Variants in IFT122 observed in about 807,000 individuals in gnomAD.
IFT122 encodes intraflagellar transport 122, also known as intraflagellar transport protein 122 homolog.
Under a neutral mutation model 161.6 loss-of-function variants are expected in IFT122, and 118 were observed. The ratio of observed to expected loss-of-function variants is 0.73; its 90% CI spans 0.63 to 0.85. The LOEUF is 0.85. Among genes scored for constraint, IFT122 ranks in the 40% least tolerant of loss-of-function variants. IFT122 has a pLI of 0.00. For synonymous variants in IFT122, 550 were observed against 602.4 expected, an observed-to-expected ratio of 0.91 and a Z score of 1.27; for missense variants, 1,381 against 1,579.6, an observed-to-expected ratio of 0.87 and a Z score of 2.13.
chr3:129,463,878 TG>T (rs1457101921), intron 6 of IFT122, among the ~76,000 whole-genome samples: 1 of 152,150 alleles, frequency 6.6e-6, no homozygotes, highest in African/African-American at 2.4e-5. Flanking sequence ...CTATACTGAG[TG>T]GAGGCTTGTT....
intron 3 of IFT122, chr3:129,458,034 G>A (rs888269651): frequency 2.5e-5 from 4 of 157,958 alleles, no homozygotes; most frequent in African/African-American, 7.2e-5. Context: ...CACTGTTCCC[G>A]GCCAGGAATA....
At chr3:129,504,037 CAAAAT>C (rs1268041344) in intron 20 of IFT122, 22 of 439,378 alleles carry the variant, frequency 5.0e-5, no homozygotes, top group Non-Finnish European at 1.7e-5. Flanking sequence ...CGCAAACCCT[CAAAAT>C]AAAATGTTTC....
intron 19 of IFT122, among the ~76,000 whole-genome samples, chr3:129,501,135 C>G (rs763275725): frequency 6.6e-6 from 1 of 152,180 alleles, no homozygotes; most frequent in African/African-American, 2.4e-5. Context: ...CCTTGGGACT[C>G]AGCACACCGG....
Position 129,484,906 on chromosome 3 carries a change from C to T in IFT122, c.1851+1224C>T, listed in dbSNP as rs542832406. Among the ~76,000 whole-genome samples, 4 of 152,342 alleles carry T rather than the reference C, an allele frequency of 2.6e-5. No homozygotes were observed. In the South Asian group the frequency reaches 8.3e-4, roughly 32 times the overall value. On this transcript the variant is annotated intron_variant, in intron 15 of 29. Transcript: ENST00000348417. The stretch of plus-strand genomic sequence containing the variant: ...GTGCATAGCTCTAGAGTGATCTTCC[C>T]ACCCATGTTGGCATGTGTAATCTCC...
At chr3:129,488,473 G>T in intron 16 of IFT122, 76 bp downstream of exon 16, 2 of 1,589,852 alleles carry the variant, frequency 1.3e-6, no homozygotes. Context: ...GACCCAGGTG[G>T]CACGGAGAGG....
In IFT122 at chr3:129,519,099, C is replaced by A; in HGVS notation, c.3392-8C>A. The A allele has an allele frequency of 6.2e-7, 1 of 1,613,046 alleles. No individual in the cohort carries two copies. The highest frequency in any genetic ancestry group is 8.5e-7 in the Non-Finnish European group (1 of 1,178,990). The stretch of plus-strand genomic sequence containing the variant: ...CTTCTGATTCCATCCTTGACCAGAT[C>A]CCTCCAGGCTCCCAGATTCTGCGGC... On this transcript the variant is annotated splice_region_variant and splice_polypyrimidine_tract_variant and intron_variant, in intron 27 of 29. Coordinates refer to ENST00000348417, the MANE Select transcript of IFT122 (RefSeq NM_052989.3).
intron 1 of IFT122, among the ~76,000 whole-genome samples, chr3:129,442,434 G>T (rs1368607156): frequency 6.6e-6 from 1 of 152,052 alleles, no homozygotes; most frequent in Non-Finnish European, 1.5e-5. Context: ...GATGAATAAA[G>T]ATTGGTTTTC....
At chr3:129,471,584 A>C (rs2077376273) in intron 9 of IFT122, among the ~76,000 whole-genome samples, 1 of 152,230 alleles carries the variant, frequency 6.6e-6, no homozygotes, top group Non-Finnish European at 1.5e-5. Flanking sequence ...GCCACAGGAA[A>C]TATCTTGCAT....
rs181071642 is a variant in IFT122, at chr3:129,510,830, G to C, written c.2887-1482G>C. On this transcript the variant is annotated intron_variant, in intron 23 of 29. Transcript: ENST00000348417. ...ATGCCTACTACGTGACAGACCCTGT[G>C]ATGAGACCTGGTGACACGGTGGTGA... Among the ~76,000 whole-genome samples, 15 of 152,342 alleles carry C rather than the reference G, an allele frequency of 9.8e-5. 1 individual carries two copies. Among genetic ancestry groups the C allele is most frequent in the African/African-American group, 3.4e-4 (14 of 41,582 alleles).
intron 19 of IFT122, among the ~76,000 whole-genome samples, chr3:129,502,240 A>G (rs1208413485): frequency 2.0e-5 from 3 of 152,174 alleles, no homozygotes; most frequent in Non-Finnish European, 2.9e-5. Flanking sequence ...CTTGGCATCC[A>G]CTTTTCCGTG....
chr3:129,499,974 A>G lies in IFT122; in HGVS notation c.2281A>G (p.Ile761Val). The G allele has an allele frequency of 6.2e-7, 1 of 1,614,222 alleles. No individual in the cohort carries two copies. Among genetic ancestry groups the G allele is most frequent in the Admixed American group, 1.7e-5 (1 of 60,026 alleles). ...CAAACAGGCTGACTGGGCCAGAAAT[A>G]TCAAGGAGCCCAAAGCCGCCGTGGA... ...ITKQADWARN[I>V]KEPKAAVEMY... is the part of the protein sequence containing the mutation. Residue 761 changes from isoleucine (I) to valine (V), a missense_variant, in exon 19 of 30, where the codon ATC (isoleucine) becomes GTC (valine). This residue lies in a region of IFT122 where 496 missense variants were observed against 502.5 expected (regional missense o/e 0.99). Transcript: ENST00000348417.
intron 8 of IFT122, among the ~76,000 whole-genome samples, chr3:129,469,094 C>T (rs1343584547): frequency 2.0e-5 from 3 of 152,196 alleles, no homozygotes; most frequent in Non-Finnish European, 4.4e-5. Context: ...GTGTCCCCAG[C>T]ACCATAAGGT....
At chr3:129,515,946 T>C (rs2083440422) in intron 26 of IFT122, among the ~76,000 whole-genome samples, 1 of 151,994 alleles carries the variant, frequency 6.6e-6, no homozygotes, top group Admixed American at 6.6e-5. Flanking sequence ...TGACAGAGGA[T>C]CAGAAGCCCC....
intron 12 of IFT122, 142 bp from the exon 13 acceptor site, chr3:129,479,643 T>A: frequency 9.9e-7 from 1 of 1,014,480 alleles, no homozygotes; most frequent in Non-Finnish European, 1.5e-6. Context: ...ACGATGCCAA[T>A]CGTGGGGTCT....
intron 1 of IFT122, among the ~76,000 whole-genome samples, chr3:129,447,574 G>A (rs1289859387): frequency 6.6e-6 from 1 of 152,086 alleles, no homozygotes; most frequent in Non-Finnish European, 1.5e-5. Flanking sequence ...GTGCAGTGGT[G>A]CAATCTCGGC....
chr3:129,458,472 T>G (rs2075793893), intron 3 of IFT122, 127 bp from the exon 4 acceptor site: 1 of 813,438 alleles, frequency 1.2e-6, no homozygotes, highest in African/African-American at 1.7e-5. Flanking sequence ...CTCCCAGTAC[T>G]GATAAGAACT....
At chr3:129,489,317 C>A (rs55893842) in intron 16 of IFT122, among the ~76,000 whole-genome samples, 2 of 152,102 alleles carry the variant, frequency 1.3e-5, no homozygotes, top group Non-Finnish European at 2.9e-5. Flanking sequence ...AGGCCAGCCA[C>A]TTTCCTTGGA....
At chr3:129,460,601 A>G (rs955474394) in intron 4 of IFT122, among the ~76,000 whole-genome samples, 1 of 152,160 alleles carries the variant, frequency 6.6e-6, no homozygotes, top group Non-Finnish European at 1.5e-5. Context: ...TTGTATATAT[A>G]GACCACATTT....
intron 3 of IFT122, among the ~76,000 whole-genome samples, chr3:129,457,670 T>G (rs1170796326): frequency 6.6e-6 from 1 of 151,940 alleles, no homozygotes; most frequent in Non-Finnish European, 1.5e-5. Flanking sequence ...TTTTGAGATC[T>G]ATTGCACAGC....
Sources: gnomAD v4.1 joint callset for allele counts (sites outside exome capture counted in the v4.1 genomes callset) on GRCh38, gnomAD v4.1.1 for gene constraint, gnomAD v4.1.1 regional missense constraint, MANE v1.5 for transcripts, NCBI Gene and HGNC (gene_info 2026-07-23, HGNC 2026-07-21) for gene names.